Variants in ARHGAP42 observed in about 807,000 individuals in gnomAD.
ARHGAP42 encodes Rho GTPase activating protein 42.
Under a neutral mutation model 125.0 loss-of-function variants are expected in ARHGAP42, and 63 were observed. The ratio of observed to expected loss-of-function variants is 0.50; its 90% CI spans 0.41 to 0.62. The LOEUF (loss-of-function observed/expected upper bound fraction) is 0.62, where lower values mean the gene tolerates loss of function less well. Ranked by LOEUF, ARHGAP42 falls within the 20% of genes least tolerant of loss-of-function variation. ARHGAP42 has a pLI of 0.00. For synonymous variants in ARHGAP42, 339 were observed against 351.0 expected, an observed-to-expected ratio of 0.97 and a Z score of 0.38; for missense variants, 766 against 1,024.2, an observed-to-expected ratio of 0.75 and a Z score of 3.44.
chr11:100,725,961 G>A (rs1466378216), intron 1 of ARHGAP42, among the ~76,000 whole-genome samples: 2 of 147,194 alleles, frequency 1.4e-5, no homozygotes, highest in African/African-American at 5.0e-5. Flanking sequence ...AGCCAGGCAT[G>A]GTGGTGCGTA....
chr11:100,930,482 T>C (rs1867544703), intron 6 of ARHGAP42, among the ~76,000 whole-genome samples: 1 of 152,204 alleles, frequency 6.6e-6, no homozygotes, highest in Admixed American at 6.5e-5. Flanking sequence ...ATAATTCTTA[T>C]GTGCCTTCCA....
At chr11:100,809,686 G>A (rs748071981) in intron 3 of ARHGAP42, among the ~76,000 whole-genome samples, 42 of 152,346 alleles carry the variant, frequency 2.8e-4, no homozygotes, top group African/African-American at 1.0e-3. Context: ...TGGGTGTGCT[G>A]TGTTACTCCT....
chr11:100,909,624 G>A (rs191697386), intron 4 of ARHGAP42, among the ~76,000 whole-genome samples: 1 of 152,124 alleles, frequency 6.6e-6, no homozygotes, highest in African/African-American at 2.4e-5. Context: ...ATGAGCCACC[G>A]GCATCCAGCC....
chr11:100,980,101 T>C (rs1858493629), intron 22 of ARHGAP42, among the ~76,000 whole-genome samples: 1 of 152,220 alleles, frequency 6.6e-6, no homozygotes, highest in Admixed American at 6.5e-5. Flanking sequence ...TAGGTTTTTT[T>C]AACTGCAGAG....
At chr11:100,800,137 A>C (rs1463113869) in intron 3 of ARHGAP42, among the ~76,000 whole-genome samples, 2 of 152,246 alleles carry the variant, frequency 1.3e-5, no homozygotes, top group Non-Finnish European at 2.9e-5. Flanking sequence ...AACTGTAAAC[A>C]GTAAGCACAG....
At chr11:100,903,712 ATATATATATATAT>A (rs1866631898) in intron 4 of ARHGAP42, among the ~76,000 whole-genome samples, 344 of 33,420 alleles carry the variant, frequency 0.01, 31 homozygotes, top group African/African-American at 0.025. Context: ...CCCTCAAAAT[ATATATATATATAT>A]ATATATATAT....
intron 3 of ARHGAP42, among the ~76,000 whole-genome samples, chr11:100,812,491 A>G (rs996727666): frequency 1.3e-5 from 2 of 152,220 alleles, no homozygotes; most frequent in Admixed American, 6.5e-5. Flanking sequence ...AGATGGTGAT[A>G]TATACTCTGG....
At position 100,989,437 on chromosome 11, in the gene ARHGAP42, T is replaced by C. The variant is rs1030132144; in HGVS notation, c.*636T>C. The stretch of plus-strand genomic sequence containing the variant: ...CATACACTGATTCCACTGTAAACAA[T>C]CTGTCCAGAATTCCAGACACCTTCA... On this transcript the variant is annotated 3_prime_UTR_variant, in exon 24 of 24. Coordinates refer to ENST00000298815, the MANE Select transcript of ARHGAP42 (RefSeq NM_152432.4). 1.2e-5 allele frequency: 3 copies of C among 259,164 alleles called. No individual in the cohort carries two copies. Among genetic ancestry groups the C allele is most frequent in the African/African-American group, 2.2e-5 (1 of 45,560 alleles). 16.1% of individuals were successfully genotyped at this position (259,164 alleles called of 1,614,324 possible). A position where few individuals can be genotyped will look rare whatever the true frequency, so the allele number is the denominator to read the frequency against.
intron 1 of ARHGAP42, among the ~76,000 whole-genome samples, chr11:100,713,193 A>G (rs1861594291): frequency 6.6e-6 from 1 of 152,234 alleles, no homozygotes; most frequent in African/African-American, 2.4e-5. Context: ...GAGAACCTAT[A>G]GTGAGTTTAA....
rs1337501093 is a variant in ARHGAP42 at position 100,993,333 on chromosome 11, T to C, written c.*4532T>C. 1 of 167,006 alleles carries C rather than the reference T, an allele frequency of 6.0e-6. No homozygotes were observed. Among genetic ancestry groups the C allele is most frequent in the Non-Finnish European group, 1.5e-5 (1 of 68,120 alleles). The allele number at this position is 167,006 out of a possible 1,614,324, so 10.3% of individuals were successfully genotyped here. A position where few individuals can be genotyped will look rare whatever the true frequency, so the allele number is the denominator to read the frequency against. ...CTCTATATGGCAGCATATACATATA[T>C]ATATATAAAATGCACACTTTTAATC... On this transcript the variant is annotated 3_prime_UTR_variant, in exon 24 of 24. Transcript: ENST00000298815.
chr11:100,873,553 A>G (rs1865745601), intron 4 of ARHGAP42, among the ~76,000 whole-genome samples: 1 of 152,202 alleles, frequency 6.6e-6, no homozygotes, highest in Admixed American at 6.5e-5. Flanking sequence ...GGCATGAAAT[A>G]GCCAGCTGGG....
At chr11:100,923,072 T>C (rs1867323844) in intron 6 of ARHGAP42, among the ~76,000 whole-genome samples, 1 of 152,332 alleles carries the variant, frequency 6.6e-6, no homozygotes, top group Non-Finnish European at 1.5e-5. Flanking sequence ...GAGAATGTTC[T>C]GAAGCTCATC....
At chr11:100,714,283 G>A (rs754958090) in intron 1 of ARHGAP42, among the ~76,000 whole-genome samples, 9 of 152,096 alleles carry the variant, frequency 5.9e-5, no homozygotes, top group Non-Finnish European at 4.4e-5. Flanking sequence ...AAAGGTTATT[G>A]TTAATGACAT....
intron 3 of ARHGAP42, among the ~76,000 whole-genome samples, chr11:100,853,891 C>T (rs115813735): frequency 1.3e-5 from 2 of 148,802 alleles, no homozygotes; most frequent in African/African-American, 4.9e-5. Flanking sequence ...ACTAAAACTC[C>T]AATAGCAGCT....
At chr11:100,941,586 A>G (rs775589420) in intron 8 of ARHGAP42, among the ~76,000 whole-genome samples, 198 bp from the exon 9 acceptor site, 1 of 118,658 alleles carries the variant, frequency 8.4e-6, no homozygotes, top group Non-Finnish European at 1.7e-5. Context: ...AGCTGCAAGC[A>G]GAGCCACGTT....
rs1565311647 is a variant in ARHGAP42 at position 100,992,609 on chromosome 11, G to C, written c.*3808G>C. ...TCTCAATTTCCTGAACACATTCACTGTATCCCTCATTGTCACCGTTATCCC... is the reference window on the plus strand; with the variant it reads ...TCTCAATTTCCTGAACACATTCACTCTATCCCTCATTGTCACCGTTATCCC... On this transcript the variant is annotated 3_prime_UTR_variant, in exon 24 of 24. Coordinates refer to ENST00000298815, the MANE Select transcript of ARHGAP42 (RefSeq NM_152432.4). 20 of 1,614,034 alleles carry C rather than the reference G, an allele frequency of 1.2e-5. No individual in the cohort carries two copies. Among genetic ancestry groups the C allele is most frequent in the Non-Finnish European group, 1.6e-5 (19 of 1,179,946 alleles).
chr11:100,698,501 C>T (rs561848462), intron 1 of ARHGAP42, among the ~76,000 whole-genome samples: 1 of 152,120 alleles, frequency 6.6e-6, no homozygotes, highest in African/African-American at 2.4e-5. Context: ...CATGGAGAAC[C>T]CCCGTTTCTA....
chr11:100,689,380 A>G (rs1002804881), intron 1 of ARHGAP42, among the ~76,000 whole-genome samples: 4 of 152,190 alleles, frequency 2.6e-5, no homozygotes, highest in Non-Finnish European at 1.5e-5. Context: ...TCAGAGTGTC[A>G]AATGCCAAGC....
Position 100,992,588 on chromosome 11 carries a change from A to G in ARHGAP42, c.*3787A>G. ...TATCGAGTATTCATCAACTGGTCTCAATTTCCTGAACACATTCACTGTATC... is the reference window on the plus strand; with the variant it reads ...TATCGAGTATTCATCAACTGGTCTCGATTTCCTGAACACATTCACTGTATC... On this transcript the variant is annotated 3_prime_UTR_variant, in exon 24 of 24. Transcript: ENST00000298815. The G allele has an allele frequency of 6.2e-7, 1 of 1,614,008 alleles. No homozygotes were observed. The highest frequency in any genetic ancestry group is 8.5e-7 in the Non-Finnish European group (1 of 1,179,968).
Sources: allele counts gnomAD v4.1 joint callset (sites outside exome capture counted in the v4.1 genomes callset), GRCh38; gene constraint gnomAD v4.1.1; transcripts MANE v1.5; gene names NCBI Gene and HGNC (gene_info 2026-07-23, HGNC 2026-07-21).